GNA14: variants seen among roughly 807,000 people sequenced by gnomAD.
GNA14 encodes the protein G protein subunit alpha 14.
In GNA14, 50 loss-of-function variants were observed where a neutral mutation model predicts 42.0. That is an observed-to-expected ratio of 1.19 (90% CI 0.95 to 1.51). The LOEUF is 1.51. Among genes scored for constraint, GNA14 ranks in the 40% most tolerant of loss-of-function variants. The pLI is 0.00. For synonymous variants in GNA14, 173 were observed against 163.1 expected (o/e 1.06, Z -0.46); for missense variants, 473 against 446.2 (o/e 1.06, Z -0.54).
chr9:77,462,146 A>T (rs1056162124), intron 2 of GNA14, among the ~76,000 whole-genome samples: 37 of 152,088 alleles, frequency 2.4e-4, no homozygotes, highest in African/African-American at 7.7e-4. Context: ...CGAGAAGTAA[A>T]TTTTATCCGG....
At chr9:77,620,086 GCACA>G (rs147182433) in intron 1 of GNA14, among the ~76,000 whole-genome samples, 7 of 151,576 alleles carry the variant, frequency 4.6e-5, no homozygotes, top group Non-Finnish European at 8.8e-5. Flanking sequence ...ACGTGTGTGT[GCACA>G]CACACACACG....
rs758576244 is a variant in GNA14 at position 77,424,175 on chromosome 9, C to T, written c.878-6G>A. 2 of 1,594,020 alleles carry T rather than the reference C, an allele frequency of 1.3e-6. No homozygotes were observed. Among genetic ancestry groups the T allele is most frequent in the Admixed American group, 1.7e-5 (1 of 58,296 alleles). On this transcript the variant is annotated splice_region_variant and splice_polypyrimidine_tract_variant and intron_variant, in intron 6 of 6. Transcript: ENST00000341700. ...TCTGACATCCTGTTTCGGTCCTAGT[C>T]ACAAGTGCAATTACAGGAATAAAGA...
intron 1 of GNA14, among the ~76,000 whole-genome samples, chr9:77,598,893 C>A (rs1337976720): frequency 6.6e-6 from 1 of 152,188 alleles, no homozygotes; most frequent in Non-Finnish European, 1.5e-5. Context: ...CATTCAATAC[C>A]ATGATCCAGT....
At chr9:77,622,051 A>C (rs1439146868) in intron 1 of GNA14, among the ~76,000 whole-genome samples, 2 of 152,318 alleles carry the variant, frequency 1.3e-5, no homozygotes, top group East Asian at 3.9e-4. Context: ...TCAGCATCCC[A>C]AAGTTCTGGG....
chr9:77,618,702 C>T lies in GNA14; in HGVS notation c.124+28968G>A, dbSNP rs1174973504. Among the ~76,000 whole-genome samples the T allele has an allele frequency of 5.9e-5, 7 of 118,710 alleles. No homozygotes were observed. The Admixed American group carries it at 5.9e-4, about 10-fold the overall frequency. The allele number at this position is 118,710 out of a possible 152,430, so 77.9% of individuals were successfully genotyped here. On this transcript the variant is annotated intron_variant, in intron 1 of 6. Transcript: ENST00000341700. Reference sequence around the variant, plus strand: ...AGGCTGGAGTGCAGTGGCGGGATCTCGGCTCACTGCAAGCTCCGCCTCCCG... The same window carrying T: ...AGGCTGGAGTGCAGTGGCGGGATCTTGGCTCACTGCAAGCTCCGCCTCCCG...
intron 2 of GNA14, among the ~76,000 whole-genome samples, chr9:77,476,297 A>C (rs554658866): frequency 7.9e-5 from 12 of 152,336 alleles, no homozygotes; most frequent in African/African-American, 2.9e-4. Flanking sequence ...AGCACAGAAT[A>C]TCAGAGTACT....
At chr9:77,585,062 C>T (rs1249440002) in intron 1 of GNA14, among the ~76,000 whole-genome samples, 2 of 152,080 alleles carry the variant, frequency 1.3e-5, no homozygotes, top group Non-Finnish European at 2.9e-5. Context: ...CTTAGAATGC[C>T]GAACCATCTG....
At chr9:77,620,771 G>A (rs1008432605) in intron 1 of GNA14, among the ~76,000 whole-genome samples, 3 of 147,692 alleles carry the variant, frequency 2.0e-5, no homozygotes, top group Non-Finnish European at 4.5e-5. Flanking sequence ...TTGTTTGAAC[G>A]CGCGAGGTGG....
chr9:77,562,129 G>C (rs1822892316), intron 1 of GNA14, among the ~76,000 whole-genome samples: 1 of 152,166 alleles, frequency 6.6e-6, no homozygotes, highest in African/African-American at 2.4e-5. Flanking sequence ...GAATGCCTTT[G>C]TACTCGAGGC....
At chr9:77,533,577 G>A (rs183353386) in intron 1 of GNA14, among the ~76,000 whole-genome samples, 9 of 152,278 alleles carry the variant, frequency 5.9e-5, no homozygotes, top group Admixed American at 5.9e-4. Flanking sequence ...AGGCACCCTG[G>A]CCAGTAATAC....
At chr9:77,541,791 TGA>T (rs2131776487) in intron 1 of GNA14, among the ~76,000 whole-genome samples, 1 of 152,288 alleles carries the variant, frequency 6.6e-6, no homozygotes, top group South Asian at 2.1e-4. Context: ...GTATTCAAGT[TGA>T]GATTCTTTCT....
intron 1 of GNA14, among the ~76,000 whole-genome samples, chr9:77,646,369 G>A (rs545070520): frequency 1.3e-5 from 2 of 152,232 alleles, no homozygotes; most frequent in East Asian, 1.9e-4. Flanking sequence ...GAGGGAGGGG[G>A]CAGCATGGTC....
At position 77,424,033 on chromosome 9, in the gene GNA14, A is replaced by G; in HGVS notation, c.1014T>C (p.Ala338=). ...TDTDNIRFVF[A]AVKDTILQLN... is the part of the protein sequence containing the mutation. ...GCTGTAGAATTGTGTCTTTGACAGC[A>G]GCAAACACAAAGCGAATATTGTCTG... The change falls in exon 7 of 7, where the codon GCT becomes GCC. Residue 338 remains alanine, a synonymous_variant. Coordinates refer to ENST00000341700, the MANE Select transcript of GNA14 (RefSeq NM_004297.4). The G allele has an allele frequency of 6.2e-7, 1 of 1,611,274 alleles. No homozygotes were observed. Among genetic ancestry groups the G allele is most frequent in the Non-Finnish European group, 8.5e-7 (1 of 1,178,594 alleles).
intron 1 of GNA14, among the ~76,000 whole-genome samples, chr9:77,537,549 G>A (rs991299234): frequency 5.3e-5 from 8 of 152,170 alleles, no homozygotes; most frequent in Middle Eastern, 3.2e-3. Flanking sequence ...ACATGCAAGC[G>A]CAGGTATTCC....
intron 2 of GNA14, among the ~76,000 whole-genome samples, chr9:77,444,882 G>A (rs1195883629): frequency 6.6e-6 from 1 of 152,184 alleles, no homozygotes; most frequent in Non-Finnish European, 1.5e-5. Context: ...CCAGCAGGCA[G>A]ACTCGTTCAC....
intron 1 of GNA14, among the ~76,000 whole-genome samples, chr9:77,616,901 A>G (rs1213126814): frequency 1.3e-5 from 2 of 150,304 alleles, no homozygotes; most frequent in African/African-American, 2.5e-5. Flanking sequence ...GCAGAGTCTC[A>G]CTCTGTCGCC....
intron 2 of GNA14, among the ~76,000 whole-genome samples, chr9:77,460,754 G>C (rs1013240177): frequency 1.3e-5 from 2 of 152,180 alleles, no homozygotes; most frequent in African/African-American, 4.8e-5. Context: ...GGCTATGGGG[G>C]ATGGAAAGGG....
chr9:77,445,008 G>C (rs1238573632), intron 2 of GNA14, among the ~76,000 whole-genome samples: 1 of 152,152 alleles, frequency 6.6e-6, no homozygotes, highest in African/African-American at 2.4e-5. Flanking sequence ...TTTTGAGTAG[G>C]AATGACAACA....
At chr9:77,548,551 C>G (rs138253910) in intron 1 of GNA14, among the ~76,000 whole-genome samples, 1 of 152,180 alleles carries the variant, frequency 6.6e-6, no homozygotes, top group Non-Finnish European at 1.5e-5. Flanking sequence ...TCTAGGAGGA[C>G]TTTTACAGAA....
Sources: gnomAD v4.1 joint callset for allele counts (sites outside exome capture counted in the v4.1 genomes callset) on GRCh38, gnomAD v4.1.1 for gene constraint, MANE v1.5 for transcripts, NCBI Gene and HGNC (gene_info 2026-07-23, HGNC 2026-07-21) for gene names.